RAI2: variants seen among roughly 807,000 people sequenced by gnomAD.
RAI2 encodes retinoic acid-induced protein 2.
In RAI2, 5 loss-of-function variants were observed where a neutral mutation model predicts 15.3. The observed-to-expected ratio is 0.33, with a 90% CI of 0.17 to 0.69. The LOEUF (loss-of-function observed/expected upper bound fraction) is 0.69, where lower values mean the gene tolerates loss of function less well. Among genes scored for constraint, RAI2 ranks in the 30% least tolerant of loss-of-function variants. The pLI is 0.69. For missense variants in RAI2, 424 were observed against 424.7 expected (o/e 1.00, Z 0.01); for synonymous variants, 191 against 184.0 (o/e 1.04, Z -0.31).
At chrX:17,829,277 GAAAAA>G (rs11479454) in intron 1 of RAI2, among the ~76,000 whole-genome samples, 38 of 52,244 alleles carry the variant, frequency 7.3e-4, no homozygotes, top group African/African-American at 2.6e-3. Flanking sequence ...CATCTGTATG[GAAAAA>G]AAAAAAAAAA....
intron 1 of RAI2, among the ~76,000 whole-genome samples, chrX:17,849,163 AG>A (rs1432793273): frequency 8.9e-6 from 1 of 112,379 alleles, no homozygotes; most frequent in Non-Finnish European, 1.9e-5. Flanking sequence ...TCTGAGAAAA[AG>A]CAGAGCTGTG....
chrX:17,834,817 T>C (rs2067316909), intron 1 of RAI2, among the ~76,000 whole-genome samples: 1 of 110,413 alleles, frequency 9.1e-6, no homozygotes, highest in Non-Finnish European at 1.9e-5. Flanking sequence ...GGTGGGTTGA[T>C]GGAAAGAGGT....
chrX:17,827,175 G>T (rs772959147), intron 1 of RAI2, among the ~76,000 whole-genome samples: 5 of 111,901 alleles, frequency 4.5e-5, no homozygotes, highest in African/African-American at 1.6e-4. Context: ...ACATAGAAGA[G>T]CATGGCCAGG....
In RAI2 at chrX:17,801,492, G is replaced by C; in HGVS notation, c.519C>G (p.Ile173Met). Reference sequence around the variant, plus strand: ...AAGTGGGCTCCTGCGGCTGGCTGGGGATCCTCAGGTCCAGGAGCTGGGGCT... The same window carrying C: ...AAGTGGGCTCCTGCGGCTGGCTGGGCATCCTCAGGTCCAGGAGCTGGGGCT... The part of the protein sequence containing the change: ...EAQPQLLDLR[I>M]PSQPQEPTLP... Residue 173 changes from isoleucine to methionine, a missense_variant, in exon 2 of 2, where the codon ATC (isoleucine) becomes ATG (methionine). Transcript: ENST00000451717. 2.5e-6 allele frequency: 3 copies of C among 1,182,105 alleles called. No homozygotes were observed. Among genetic ancestry groups the C allele is most frequent in the Non-Finnish European group, 3.4e-6 (3 of 882,458 alleles).
intron 1 of RAI2, among the ~76,000 whole-genome samples, chrX:17,831,039 A>G (rs2067277468): frequency 8.9e-6 from 1 of 111,793 alleles, no homozygotes; most frequent in African/African-American, 3.3e-5. Flanking sequence ...ACATCCATAA[A>G]AGGACATACC....
chrX:17,832,206 G>A (rs1339939307), intron 1 of RAI2, among the ~76,000 whole-genome samples: 1 of 111,992 alleles, frequency 8.9e-6, no homozygotes, highest in East Asian at 2.8e-4. Flanking sequence ...CCTCTTGTAG[G>A]GTGACCAATT....
rs755078909 is a variant in RAI2, at chrX:17,800,939, C to G, written c.1072G>C (p.Glu358Gln). ...AAHRKSEPPP[E>Q]TLYDSGASVD... ...GATGCACCACTGTCATACAGTGTCT[C>G]AGGGGGAGGCTCGGATTTCCGGTGG... is the stretch of plus-strand genomic sequence containing the variant. The change falls in exon 2 of 2, where the codon GAG becomes CAG. Residue 358 changes from glutamate (E) to glutamine (Q), a missense_variant. By Grantham distance (29) the Glu-to-Gln change is conservative. Coordinates refer to ENST00000451717, the MANE Select transcript of RAI2 (RefSeq NM_021785.6). 3 of 1,208,831 alleles carry G rather than the reference C, an allele frequency of 2.5e-6. No homozygotes were observed. Among genetic ancestry groups the G allele is most frequent in the African/African-American group, 3.5e-5 (2 of 56,866 alleles).
At chrX:17,855,523 T>C (rs993532274) in intron 1 of RAI2, among the ~76,000 whole-genome samples, 5 of 111,999 alleles carry the variant, frequency 4.5e-5, no homozygotes, top group Non-Finnish European at 7.5e-5. Flanking sequence ...TGCTCATGGC[T>C]AGTTTCCACG....
At chrX:17,828,529 C>G (rs1325737993) in intron 1 of RAI2, among the ~76,000 whole-genome samples, 4 of 111,836 alleles carry the variant, frequency 3.6e-5, no homozygotes, top group Non-Finnish European at 7.5e-5. Flanking sequence ...ATGTATAATT[C>G]AAAAATGAAT....
intron 1 of RAI2, among the ~76,000 whole-genome samples, chrX:17,811,674 T>C (rs964849740): frequency 2.7e-5 from 3 of 111,986 alleles, no homozygotes; most frequent in Non-Finnish European, 3.8e-5. Context: ...GGGGTGCAGA[T>C]TTCTGAAGTA....
intron 1 of RAI2, among the ~76,000 whole-genome samples, chrX:17,859,837 C>T (rs1179730956): frequency 3.6e-5 from 4 of 111,866 alleles, no homozygotes; most frequent in Non-Finnish European, 7.5e-5. Flanking sequence ...CTCCCCACCT[C>T]TCCCCTACCT....
chrX:17,808,683 G>A (rs1601904337), intron 1 of RAI2, among the ~76,000 whole-genome samples: 1 of 108,275 alleles, frequency 9.2e-6, no homozygotes, highest in Admixed American at 9.9e-5. Flanking sequence ...CCAGGAAGAC[G>A]TGAGATGGCT....
At chrX:17,840,272 T>C (rs1395365994) in intron 1 of RAI2, among the ~76,000 whole-genome samples, 1 of 111,374 alleles carries the variant, frequency 9.0e-6, no homozygotes, top group Non-Finnish European at 1.9e-5. Flanking sequence ...GGTCTGGGCA[T>C]GTGACTTCGC....
Position 17,801,645 on chromosome X carries a change from C to T in RAI2, c.366G>A (p.Leu122=), listed in dbSNP as rs537190832. Residue 122 remains leucine (L), a synonymous_variant, in exon 2 of 2, where the codon CTG becomes CTA. Transcript: ENST00000451717. ...YVMTTQGPVQ[L]PVVLEQHVFQ... Reference sequence around the variant, plus strand: ...AGACGTGCTGCTCCAGCACCACGGGCAGTTGCACGGGGCCCTGGGTGGTCA... The same window carrying T: ...AGACGTGCTGCTCCAGCACCACGGGTAGTTGCACGGGGCCCTGGGTGGTCA... 2.5e-6 allele frequency: 3 copies of T among 1,210,031 alleles called. No homozygotes were observed. In the East Asian group the frequency reaches 8.9e-5, roughly 36 times the overall value.
chrX:17,841,690 T>C (rs2067399744), intron 1 of RAI2, among the ~76,000 whole-genome samples: 1 of 112,398 alleles, frequency 8.9e-6, no homozygotes, highest in Non-Finnish European at 1.9e-5. Flanking sequence ...GGGTTGAGGA[T>C]ACCAAGATGC....
At chrX:17,852,187 C>G (rs753814663) in intron 1 of RAI2, among the ~76,000 whole-genome samples, 108 of 112,202 alleles carry the variant, frequency 9.6e-4, no homozygotes, top group South Asian at 1.9e-3. Flanking sequence ...GCCCAGCACA[C>G]TGTGGATCCC....
intron 1 of RAI2, among the ~76,000 whole-genome samples, chrX:17,818,858 A>G (rs2067133398): frequency 8.8e-6 from 1 of 113,036 alleles, no homozygotes; most frequent in Non-Finnish European, 1.9e-5. Flanking sequence ...CTGAGAGGAC[A>G]AGCCGGCTGG....
At chrX:17,811,256 C>A (rs2067046918) in intron 1 of RAI2, among the ~76,000 whole-genome samples, 2 of 112,290 alleles carry the variant, frequency 1.8e-5, no homozygotes, top group Non-Finnish European at 3.8e-5. Flanking sequence ...GGAACACTCA[C>A]CTGGACAGGG....
At position 17,800,942 on chromosome X, in the gene RAI2, G is replaced by A; in HGVS notation, c.1069C>T (p.Pro357Ser). 8.3e-7 allele frequency: 1 copy of A among 1,211,068 alleles called. No individual in the cohort carries two copies. The highest frequency in any genetic ancestry group is 1.8e-5 in the South Asian group (1 of 56,927). The change falls in exon 2 of 2, where the codon CCT (proline) becomes TCT (serine). Residue 357 changes from proline to serine, a missense_variant. Physicochemically the swap from Pro to Ser is moderately conservative, Grantham distance 74 (BLOSUM62 -1). Transcript: ENST00000451717. ...VAAHRKSEPP[P>S]ETLYDSGASV... ...GCACCACTGTCATACAGTGTCTCAGGGGGAGGCTCGGATTTCCGGTGGGCT... is the reference window on the plus strand; with the variant it reads ...GCACCACTGTCATACAGTGTCTCAGAGGGAGGCTCGGATTTCCGGTGGGCT...
Sources: gnomAD v4.1 joint callset for allele counts (sites outside exome capture counted in the v4.1 genomes callset) on GRCh38, gnomAD v4.1.1 for gene constraint, MANE v1.5 for transcripts, NCBI Gene and HGNC (gene_info 2026-07-23, HGNC 2026-07-21) for gene names.